The following TNNT3 variants were observed in gnomAD, a reference collection of about 807,000 sequenced individuals.
The protein encoded by TNNT3 is troponin T, fast skeletal muscle.
Under a neutral mutation model 54.2 loss-of-function variants are expected in TNNT3, and 36 were observed. The ratio of observed to expected loss-of-function variants is 0.66; its 90% confidence interval spans 0.51 to 0.88. The LOEUF (loss-of-function observed/expected upper bound fraction) is 0.88. Ranked by LOEUF, TNNT3 falls within the 40% of genes least tolerant of loss-of-function variation. The probability of loss-of-function intolerance (pLI) is 0.00; values close to 1 mark genes in which losing one functional copy is unlikely to be tolerated. For missense variants in TNNT3, 291 were observed against 331.6 expected (o/e 0.88, Z 0.95); for synonymous variants, 120 against 109.7 (o/e 1.09, Z -0.59).
chr11:1,935,766 G>C (rs1854832983), intron 14 of TNNT3, among the ~76,000 whole-genome samples: 1 of 151,946 alleles, frequency 6.6e-6, no homozygotes, highest in Non-Finnish European at 1.5e-5. Context: ...GTGCCCACGG[G>C]GCTTGTGCTC....
chr11:1,925,069 T>C, intron 4 of TNNT3, 30 bp from the exon 5 acceptor site: 1 of 1,611,936 alleles, frequency 6.2e-7, no homozygotes, highest in Non-Finnish European at 8.5e-7. Context: ...AACCCCGCCT[T>C]CTCCTGCTCC....
intron 8 of TNNT3, among the ~76,000 whole-genome samples, chr11:1,930,690 G>A (rs1368177927): frequency 6.6e-6 from 1 of 152,170 alleles, no homozygotes; most frequent in Non-Finnish European, 1.5e-5. Flanking sequence ...TCCCACTTGG[G>A]GAGCATTGCA....
At chr11:1,936,477 C>T (rs1438943600) in intron 14 of TNNT3, among the ~76,000 whole-genome samples, 7 of 152,158 alleles carry the variant, frequency 4.6e-5, no homozygotes, top group African/African-American at 7.2e-5. Context: ...CCAGGAGCTC[C>T]GCCTCAAGCC....
intron 8 of TNNT3, among the ~76,000 whole-genome samples, chr11:1,930,048 G>A (rs1000488078): frequency 2.0e-5 from 3 of 152,212 alleles, no homozygotes; most frequent in Non-Finnish European, 2.9e-5. Context: ...TCGGAGGGAC[G>A]CTCAGAGCGC....
intron 6 of TNNT3, 57 bp from the exon 7 acceptor site, chr11:1,929,063 C>T (rs547927513): frequency 1.9e-5 from 30 of 1,607,722 alleles, no homozygotes; most frequent in African/African-American, 1.3e-4. Flanking sequence ...ACTGCTCCCC[C>T]GCAGCCGCAC....
intron 4 of TNNT3, among the ~76,000 whole-genome samples, chr11:1,923,855 C>T (rs975510300): frequency 6.6e-6 from 1 of 152,102 alleles, no homozygotes; most frequent in East Asian, 1.9e-4. Context: ...CTTCATTAAT[C>T]CTTCATCCTC....
chr11:1,934,800 A>G (rs889676381), intron 13 of TNNT3, 29 bp from the exon 14 acceptor site: 3 of 1,610,858 alleles, frequency 1.9e-6, no homozygotes, highest in Non-Finnish European at 1.7e-6. Context: ...GGCTTATTCA[A>G]CGAAGCCTCA....
At chr11:1,930,578 T>A (rs751238286) in intron 8 of TNNT3, among the ~76,000 whole-genome samples, 2 of 152,208 alleles carry the variant, frequency 1.3e-5, no homozygotes, top group Non-Finnish European at 1.5e-5. Flanking sequence ...GCCACAGCAC[T>A]CGCTACGTGA....
intron 6 of TNNT3, among the ~76,000 whole-genome samples, chr11:1,928,692 C>T (rs1418243700): frequency 6.6e-6 from 1 of 152,138 alleles, no homozygotes; most frequent in Non-Finnish European, 1.5e-5. Context: ...AGGGGTCAGG[C>T]TCCGGGAAGC....
intron 14 of TNNT3, 64 bp from the exon 15 acceptor site, chr11:1,936,899 T>A: frequency 6.5e-7 from 1 of 1,542,414 alleles, no homozygotes; most frequent in Non-Finnish European, 8.8e-7. Flanking sequence ...GAGACAGGCC[T>A]TCACCCAGTA....
rs776598953 is a variant in TNNT3, at chr11:1,934,853, G to A, written c.615G>A (p.Glu205=). 1.9e-6 allele frequency: 3 copies of A among 1,613,636 alleles called. No individual in the cohort carries two copies. Among genetic ancestry groups the A allele is most frequent in the East Asian group, 2.2e-5 (1 of 44,888 alleles). The part of the protein sequence containing the change: ...KLRDKAKELW[E]TLHQLEIDKF... ...GGGACAAGGCCAAGGAGCTCTGGGA[G>A]ACCCTGCACCAGCTGGAGATTGACA... Residue 205 remains glutamate (E), a synonymous_variant, in exon 14 of 16, where the codon GAG becomes GAA. Coordinates refer to ENST00000278317, the MANE Select transcript of TNNT3 (RefSeq NM_006757.4).
intron 4 of TNNT3, among the ~76,000 whole-genome samples, chr11:1,924,513 G>A (rs141575183): frequency 6.6e-6 from 1 of 152,334 alleles, no homozygotes; most frequent in Non-Finnish European, 1.5e-5. Context: ...CCCTAACAAC[G>A]TGAGCAAAAC....
intron 8 of TNNT3, among the ~76,000 whole-genome samples, chr11:1,930,039 C>T (rs1014084930): frequency 2.6e-5 from 4 of 152,118 alleles, no homozygotes; most frequent in Admixed American, 6.5e-5. Context: ...AGCCTGCATT[C>T]GGAGGGACGC....
chr11:1,933,864 A>T, intron 10 of TNNT3, 27 bp downstream of exon 10: 2 of 1,612,112 alleles, frequency 1.2e-6, no homozygotes, highest in Non-Finnish European at 1.7e-6. Flanking sequence ...AGGTTGCAGC[A>T]GGGGCTGGTG....
chr11:1,934,137 A>G (rs1388200682), intron 11 of TNNT3, 129 bp downstream of exon 11: 13 of 1,194,348 alleles, frequency 1.1e-5, no homozygotes, highest in Non-Finnish European at 1.6e-5. Flanking sequence ...ACCACTGGCT[A>G]AGGCCCCGGC....
intron 5 of TNNT3, chr11:1,925,337 T>C: frequency 7.9e-7 from 1 of 1,258,328 alleles, no homozygotes. Flanking sequence ...GGAGCCCATG[T>C]GGGGGTGGGG....
chr11:1,935,394 G>A, intron 14 of TNNT3: 1 of 290,552 alleles, frequency 3.4e-6, no homozygotes, highest in Non-Finnish European at 6.7e-6. Flanking sequence ...CTTCCTCAGG[G>A]CAGACAGAGA....
chr11:1,937,752 C>T (rs1042463436), intron 15 of TNNT3, among the ~76,000 whole-genome samples: 6 of 152,172 alleles, frequency 3.9e-5, no homozygotes, highest in East Asian at 3.9e-4. Context: ...CCGTGGTGCA[C>T]GTGACCTCAC....
At chr11:1,923,467 C>A in intron 3 of TNNT3, 88 bp from the exon 4 acceptor site, 2 of 1,446,750 alleles carry the variant, frequency 1.4e-6, no homozygotes, top group Non-Finnish European at 1.9e-6. Flanking sequence ...CTGTCCAGGG[C>A]CGGGACACAC....
Sources: allele counts gnomAD v4.1 joint callset (sites outside exome capture counted in the v4.1 genomes callset), GRCh38; gene constraint gnomAD v4.1.1; transcripts MANE v1.5; gene names NCBI Gene and HGNC (gene_info 2026-07-23, HGNC 2026-07-21).